The following ADCY1 variants were observed in gnomAD, a reference collection of about 807,000 sequenced individuals.
The protein encoded by ADCY1 is adenylate cyclase 1.
ADCY1 carries 28 observed loss-of-function variants against 105.4 expected under a neutral mutation model. The ratio of observed to expected loss-of-function variants is 0.27; its 90% CI spans 0.20 to 0.36. The LOEUF (loss-of-function observed/expected upper bound fraction) is 0.36, where lower values mean the gene tolerates loss of function less well. ADCY1 is among the 10% of genes least tolerant of loss of function. ADCY1 has a pLI of 1.00. For missense variants in ADCY1, 977 were observed against 1,434.2 expected (o/e 0.68, Z 5.15); for synonymous variants, 655 against 623.8 (o/e 1.05, Z -0.75).
chr7:45,601,339 C>T (rs557635708), intron 2 of ADCY1, among the ~76,000 whole-genome samples: 9 of 152,270 alleles, frequency 5.9e-5, no homozygotes, highest in Admixed American at 1.3e-4. Context: ...TGTGGCTGGG[C>T]AGCTCCCTAA....
chr7:45,693,229 G>A (rs1038231622), intron 14 of ADCY1, among the ~76,000 whole-genome samples: 5 of 151,394 alleles, frequency 3.3e-5, no homozygotes, highest in South Asian at 2.1e-4. Context: ...TGCTGGATTC[G>A]GTTTGCCAGT....
intron 8 of ADCY1, among the ~76,000 whole-genome samples, chr7:45,671,405 A>C (rs1174976603): frequency 2.0e-5 from 3 of 152,178 alleles, no homozygotes; most frequent in Non-Finnish European, 4.4e-5. Context: ...GTCGTGCGAA[A>C]TTTTGTGCGC....
At chr7:45,648,225 TG>T (rs1365489335) in intron 4 of ADCY1, among the ~76,000 whole-genome samples, 1 of 152,134 alleles carries the variant, frequency 6.6e-6, no homozygotes, top group Non-Finnish European at 1.5e-5. Flanking sequence ...CCACCCTTCC[TG>T]GGGAGAAGCA....
chr7:45,703,260 A>G lies in ADCY1; in HGVS notation c.2455-116A>G. The G allele has an allele frequency of 1.1e-6, 1 of 911,608 alleles. No individual in the cohort carries two copies. Among genetic ancestry groups the G allele is most frequent in the East Asian group, 2.4e-5 (1 of 41,454 alleles). The allele number at this position is 911,608 out of a possible 1,614,324, so 56.5% of individuals were successfully genotyped here. Reference sequence around the variant, plus strand: ...GTGGGGAGGAGGGACAGGAGCGTGGATGTAGACCATCAGCACACCTGGAGT... The same window carrying G: ...GTGGGGAGGAGGGACAGGAGCGTGGGTGTAGACCATCAGCACACCTGGAGT... On this transcript the variant is annotated intron_variant, in intron 14 of 19. Coordinates refer to ENST00000297323, the MANE Select transcript of ADCY1 (RefSeq NM_021116.4). This position sits in a 1 kb window ranked among gnomAD's most constrained non-coding sequence, Gnocchi z 5.9.
chr7:45,592,985 C>T, intron 2 of ADCY1, 77 bp downstream of exon 2: 1 of 1,575,672 alleles, frequency 6.3e-7, no homozygotes, highest in South Asian at 1.1e-5. Flanking sequence ...CTTCCTGAGC[C>T]TCAGTTTACC....
In ADCY1 at chr7:45,574,576, C is replaced by A; in HGVS notation, c.33C>A (p.Gly11=). ...GGGCGCCGCGCGGCGGAGGCGGCGG[C>A]GGAGGCGGCGCGGGCGAGCCCGGGG... The part of the protein sequence containing the change: MAGAPRGGGG[G]GGGAGEPGGA... Residue 11 remains glycine, a synonymous_variant, in exon 1 of 20, where the codon GGC becomes GGA. Transcript: ENST00000297323. This position sits in a 1 kb window ranked among gnomAD's most constrained non-coding sequence, Gnocchi z 7.0. 1 of 993,288 alleles carries A rather than the reference C, an allele frequency of 1.0e-6. No homozygotes were observed. Among genetic ancestry groups the A allele is most frequent in the Non-Finnish European group, 1.2e-6 (1 of 837,164 alleles). 61.5% of individuals were successfully genotyped at this position (993,288 alleles called of 1,614,324 possible).
At chr7:45,658,676 C>G (rs944762203) in intron 6 of ADCY1, among the ~76,000 whole-genome samples, 2 of 152,248 alleles carry the variant, frequency 1.3e-5, no homozygotes, top group African/African-American at 4.8e-5. Context: ...GTCTTCATTG[C>G]TGATGGAATG....
intron 14 of ADCY1, among the ~76,000 whole-genome samples, chr7:45,687,129 G>A (rs971401009): frequency 1.3e-5 from 2 of 152,168 alleles, no homozygotes; most frequent in Admixed American, 6.5e-5. Context: ...GGGGCTGGAC[G>A]TCTATATTTT....
chr7:45,604,408 A>G (rs1334487917), intron 2 of ADCY1, among the ~76,000 whole-genome samples: 1 of 152,172 alleles, frequency 6.6e-6, no homozygotes, highest in African/African-American at 2.4e-5. Context: ...TGTCAAGTCT[A>G]AAGACTTTTT....
At chr7:45,652,988 C>T (rs191129840) in intron 5 of ADCY1, among the ~76,000 whole-genome samples, 21 of 152,348 alleles carry the variant, frequency 1.4e-4, no homozygotes, top group Non-Finnish European at 2.9e-4. Flanking sequence ...CTCCACCTCT[C>T]TCTCAAACTT....
intron 1 of ADCY1, 113 bp from the exon 2 acceptor site, chr7:45,592,646 G>GC (rs763093749): frequency 1.6e-4 from 238 of 1,462,656 alleles, no homozygotes; most frequent in Non-Finnish European, 2.1e-4. Context: ...TGTGGGTTTG[G>GC]CCCGGGCGGC....
intron 1 of ADCY1, among the ~76,000 whole-genome samples, chr7:45,580,325 G>C (rs1049907816): frequency 6.6e-6 from 1 of 152,176 alleles, no homozygotes; most frequent in Non-Finnish European, 1.5e-5. Flanking sequence ...CTGAGGGGCC[G>C]GGGGGCAGCT....
intron 8 of ADCY1, among the ~76,000 whole-genome samples, chr7:45,664,055 G>C: frequency 6.6e-6 from 1 of 152,150 alleles, no homozygotes; most frequent in South Asian, 2.1e-4. Flanking sequence ...GACCTAGCAC[G>C]ATTCTTGCTG....
In ADCY1 at chr7:45,710,750, C is replaced by T. The variant is rs1489727972; in HGVS notation, c.3057+98C>T. ...AGAATTGAATCCCCAGTCTACAGCC[C>T]GTAAGTGGCAGGGCAGAAAGAGCTG... is the stretch of plus-strand genomic sequence containing the variant. On this transcript the variant is annotated intron_variant, in intron 19 of 19. Transcript: ENST00000297323. This position sits in a 1 kb window ranked among gnomAD's most constrained non-coding sequence, Gnocchi z 4.7. 17 of 1,443,160 alleles carry T rather than the reference C, an allele frequency of 1.2e-5. No homozygotes were observed. Among genetic ancestry groups the T allele is most frequent in the African/African-American group, 2.9e-5 (2 of 69,694 alleles). The allele number at this position is 1,443,160 out of a possible 1,614,324, so 89.4% of individuals were successfully genotyped here.
intron 4 of ADCY1, among the ~76,000 whole-genome samples, chr7:45,644,997 G>T (rs1194351096): frequency 6.6e-6 from 1 of 152,190 alleles, no homozygotes; most frequent in Non-Finnish European, 1.5e-5. Context: ...AGAGACTCAT[G>T]TGTGATGCTG....
chr7:45,703,537 T>C lies in ADCY1; in HGVS notation c.2571+45T>C, dbSNP rs376162719. 5.6e-6 allele frequency: 9 copies of C among 1,613,132 alleles called. No homozygotes were observed. The highest frequency in any genetic ancestry group is 7.6e-6 in the Non-Finnish European group (9 of 1,179,400). ...CTGGCCAGCACTAGCCCTACACTGC[T>C]CTGGCCACCCCACTTGGCGCTCACC... On this transcript the variant is annotated intron_variant, in intron 15 of 19. Transcript: ENST00000297323. The surrounding 1 kb of genome is among the most constrained non-coding windows in gnomAD (Gnocchi z 5.9).
intron 5 of ADCY1, among the ~76,000 whole-genome samples, chr7:45,654,636 C>A (rs1156722807): frequency 6.6e-6 from 1 of 152,192 alleles, no homozygotes; most frequent in African/African-American, 2.4e-5. Context: ...TTCAGTTTCT[C>A]AGCGCAGAGA....
Position 45,625,424 on chromosome 7 carries a change from T to C in ADCY1, c.1020+2681T>C, listed in dbSNP as rs559719284. On this transcript the variant is annotated intron_variant, in intron 4 of 19. Transcript: ENST00000297323. ...TGGGTCAAGTGGAGTGAGAGATGTA[T>C]TGAGATGTGTGTGCCTGTACATATG... 2.0e-5 allele frequency among the ~76,000 whole-genome samples: 3 copies of C among 152,122 alleles called. No homozygotes were observed. The East Asian group carries it at 5.8e-4, about 29-fold the overall frequency.
Position 45,713,895 on chromosome 7 carries a change from C to A in ADCY1, c.3260C>A (p.Pro1087His). Residue 1087 changes from proline (P) to histidine (H), a missense_variant, in exon 20 of 20, where the codon CCC (proline) becomes CAC (histidine). Physicochemically the swap from Pro to His is moderately conservative, Grantham distance 77. Coordinates refer to ENST00000297323, the MANE Select transcript of ADCY1 (RefSeq NM_021116.4). Reference sequence around the variant, plus strand: ...AGAGCTGGCCTTCAGGGCAGACGTCCCCCCGTGTGCCCCATGCCTGGCGTC... The same window carrying A: ...AGAGCTGGCCTTCAGGGCAGACGTCACCCCGTGTGCCCCATGCCTGGCGTC... ...FGRAGLQGRR[P>H]PVCPMPGVSV... The A allele has an allele frequency of 1.3e-6, 1 of 780,654 alleles. No individual in the cohort carries two copies. Among genetic ancestry groups the A allele is most frequent in the Non-Finnish European group, 2.4e-6 (1 of 418,136 alleles). The allele number at this position is 780,654 out of a possible 1,614,324, so 48.4% of individuals were successfully genotyped here.
Sources: gnomAD v4.1 joint callset for allele counts (sites outside exome capture counted in the v4.1 genomes callset) on GRCh38, gnomAD v4.1.1 for gene constraint, Gnocchi (gnomAD v3.1) non-coding constraint, MANE v1.5 for transcripts, NCBI Gene and HGNC (gene_info 2026-07-23, HGNC 2026-07-21) for gene names.